The following PKP4 variants were observed in gnomAD, a reference collection of about 807,000 sequenced individuals.
PKP4 encodes plakophilin 4, also known as plakophilin-4.
PKP4 carries 90 observed loss-of-function variants against 145.1 expected under a neutral mutation model. The ratio of observed to expected loss-of-function variants is 0.62; its 90% confidence interval spans 0.52 to 0.74. The LOEUF (loss-of-function observed/expected upper bound fraction) is 0.74, where lower values mean the gene tolerates loss of function less well. PKP4 is among the 30% of genes least tolerant of loss of function. The pLI, the probability that PKP4 is intolerant of heterozygous loss-of-function variation, is 0.00. For missense variants in PKP4, 1,340 were observed against 1,482.7 expected (o/e 0.90, Z 1.58); for synonymous variants, 563 against 577.2 (o/e 0.98, Z 0.35).
chr2:158,562,905 T>A (rs1024488837), intron 2 of PKP4, among the ~76,000 whole-genome samples: 3 of 152,176 alleles, frequency 2.0e-5, no homozygotes, highest in African/African-American at 4.8e-5. Flanking sequence ...TAGGTAGATA[T>A]AAGATTACGG....
rs555691550 is a variant in PKP4 at position 158,603,225 on chromosome 2, G to T, written c.280+121G>T. ...AAGCCTTTAATAGTGACAATATTGCGCTACATTGCTTTGGAATAGTACTTA... is the reference window on the plus strand; with the variant it reads ...AAGCCTTTAATAGTGACAATATTGCTCTACATTGCTTTGGAATAGTACTTA... On this transcript the variant is annotated intron_variant, in intron 4 of 21. Coordinates refer to ENST00000389759, the MANE Select transcript of PKP4 (RefSeq NM_003628.6). 1.2e-5 allele frequency: 6 copies of T among 519,918 alleles called. No individual in the cohort carries two copies. The East Asian group carries it at 1.3e-4, about 12-fold the overall frequency. The allele number at this position is 519,918 out of a possible 1,614,324, so 32.2% of individuals were successfully genotyped here.
intron 4 of PKP4, 97 bp from the exon 5 acceptor site, chr2:158,620,893 T>C: frequency 2.0e-6 from 2 of 1,005,968 alleles, no homozygotes; most frequent in South Asian, 2.9e-5. Context: ...TATTAGCATA[T>C]AGATTCTAAG....
chr2:158,464,688 T>C (rs1020498459), intron 1 of PKP4, among the ~76,000 whole-genome samples: 2 of 152,212 alleles, frequency 1.3e-5, no homozygotes, highest in African/African-American at 4.8e-5. Context: ...TTCATGAGAA[T>C]TGTAAACACT....
chr2:158,481,017 A>T (rs1693270670), intron 1 of PKP4, among the ~76,000 whole-genome samples: 1 of 152,182 alleles, frequency 6.6e-6, no homozygotes, highest in Non-Finnish European at 1.5e-5. Flanking sequence ...GCATGTTTTC[A>T]AGATTCATCT....
chr2:158,643,114 T>A (rs893824095), intron 11 of PKP4, among the ~76,000 whole-genome samples: 4 of 152,166 alleles, frequency 2.6e-5, no homozygotes, highest in Non-Finnish European at 5.9e-5. Flanking sequence ...TCCCACGTAC[T>A]TTACTAGGCC....
chr2:158,474,966 A>T (rs2105415410), intron 1 of PKP4, among the ~76,000 whole-genome samples: 1 of 152,318 alleles, frequency 6.6e-6, no homozygotes, highest in South Asian at 2.1e-4. Flanking sequence ...TCTTTTTACT[A>T]GTGTCCAGCA....
At chr2:158,600,699 T>G (rs1364946738) in intron 3 of PKP4, among the ~76,000 whole-genome samples, 2 of 152,204 alleles carry the variant, frequency 1.3e-5, no homozygotes, top group Non-Finnish European at 2.9e-5. Flanking sequence ...GAATAACATG[T>G]AATGACCAGT....
chr2:158,579,320 A>G (rs1358085660), intron 3 of PKP4, among the ~76,000 whole-genome samples: 1 of 152,216 alleles, frequency 6.6e-6, no homozygotes, highest in African/African-American at 2.4e-5. Context: ...TAAGGAATCC[A>G]GACGAGAGAT....
chr2:158,561,061 G>T (rs1001132095), intron 2 of PKP4, among the ~76,000 whole-genome samples: 2 of 152,068 alleles, frequency 1.3e-5, no homozygotes, highest in Non-Finnish European at 2.9e-5. Flanking sequence ...AATTTTTAAT[G>T]GTTAAAAAAT....
chr2:158,561,416 C>T (rs1178105326), intron 2 of PKP4, among the ~76,000 whole-genome samples: 1 of 152,226 alleles, frequency 6.6e-6, no homozygotes, highest in Non-Finnish European at 1.5e-5. Flanking sequence ...CAGCAGCCAG[C>T]AATGCAGATG....
At chr2:158,674,162 A>G (rs1182926445) in intron 19 of PKP4, among the ~76,000 whole-genome samples, 162 bp downstream of exon 19, 1 of 152,208 alleles carries the variant, frequency 6.6e-6, no homozygotes, top group Non-Finnish European at 1.5e-5. Context: ...ATAAACCACA[A>G]GCCCACTTTC....
chr2:158,492,996 T>A (rs1695167957), intron 1 of PKP4, among the ~76,000 whole-genome samples: 1 of 152,144 alleles, frequency 6.6e-6, no homozygotes, highest in South Asian at 2.1e-4. Flanking sequence ...TTTTAGTTTT[T>A]TATTTTAAAT....
intron 2 of PKP4, among the ~76,000 whole-genome samples, chr2:158,536,922 G>C (rs1005380799): frequency 3.9e-5 from 6 of 152,106 alleles, no homozygotes; most frequent in African/African-American, 1.2e-4. Flanking sequence ...TGCTTCTTTG[G>C]ATTTATATAA....
intron 3 of PKP4, among the ~76,000 whole-genome samples, chr2:158,579,757 A>G (rs1426448712): frequency 6.6e-6 from 1 of 152,186 alleles, no homozygotes; most frequent in Non-Finnish European, 1.5e-5. Context: ...TACATGTATC[A>G]ACATGGACAT....
chr2:158,585,667 A>G (rs183879108), intron 3 of PKP4, among the ~76,000 whole-genome samples: 3 of 152,290 alleles, frequency 2.0e-5, no homozygotes, highest in African/African-American at 7.2e-5. Context: ...CTTATTTAAT[A>G]TACCACTTCA....
At chr2:158,479,068 C>G (rs2105428682) in intron 1 of PKP4, among the ~76,000 whole-genome samples, 1 of 152,296 alleles carries the variant, frequency 6.6e-6, no homozygotes, top group South Asian at 2.1e-4. Context: ...GCCAAGCCAG[C>G]ATTCTCGAGG....
At chr2:158,515,487 T>C (rs1243058646) in intron 1 of PKP4, among the ~76,000 whole-genome samples, 2 of 152,174 alleles carry the variant, frequency 1.3e-5, no homozygotes, top group Non-Finnish European at 2.9e-5. Context: ...TAATTGGTAC[T>C]CAGCCTTCAG....
intron 11 of PKP4, 66 bp downstream of exon 11, chr2:158,642,765 T>C: frequency 3.4e-6 from 4 of 1,174,344 alleles, no homozygotes; most frequent in Non-Finnish European, 1.2e-6. Context: ...TGCCCTTGTA[T>C]AGTGGCACTA....
At chr2:158,508,516 T>TA (rs2041214533) in intron 1 of PKP4, among the ~76,000 whole-genome samples, 1 of 152,160 alleles carries the variant, frequency 6.6e-6, no homozygotes, top group Non-Finnish European at 1.5e-5. Context: ...AGAAAATTGA[T>TA]ACCAAGAAAC....
Sources: allele counts gnomAD v4.1 joint callset (sites outside exome capture counted in the v4.1 genomes callset), GRCh38; gene constraint gnomAD v4.1.1; transcripts MANE v1.5; gene names NCBI Gene and HGNC (gene_info 2026-07-23, HGNC 2026-07-21).